TGM4: variants seen among roughly 807,000 people sequenced by gnomAD.
The protein encoded by TGM4 is protein-glutamine gamma-glutamyltransferase 4.
TGM4 carries 61 observed loss-of-function variants against 76.3 expected under a neutral mutation model. The observed-to-expected ratio is 0.80, with a 90% CI of 0.65 to 0.99. The LOEUF (loss-of-function observed/expected upper bound fraction) is 0.99. TGM4 is among the 50% of genes least tolerant of loss of function. The probability of loss-of-function intolerance (pLI) is 0.00; values close to 1 mark genes in which losing one functional copy is unlikely to be tolerated. For synonymous variants in TGM4, 337 were observed against 329.8 expected, an observed-to-expected ratio of 1.02 and a Z score of -0.24; for missense variants, 794 against 843.2, an observed-to-expected ratio of 0.94 and a Z score of 0.72.
At chr3:44,895,736 A>G (rs888827067) in intron 5 of TGM4, among the ~76,000 whole-genome samples, 2 of 152,352 alleles carry the variant, frequency 1.3e-5, no homozygotes, top group African/African-American at 4.8e-5. Context: ...TATTCCTTTT[A>G]TTTTGGTAGT....
At chr3:44,911,445 G>A (rs1266908491) in intron 13 of TGM4, 39 bp downstream of exon 13, 1 of 1,610,112 alleles carries the variant, frequency 6.2e-7, no homozygotes, top group Non-Finnish European at 8.5e-7. Flanking sequence ...TATGCTTCTG[G>A]ACATATATCT....
chr3:44,904,464 G>A (rs1699897177), intron 9 of TGM4, among the ~76,000 whole-genome samples: 1 of 152,182 alleles, frequency 6.6e-6, no homozygotes, highest in African/African-American at 2.4e-5. Flanking sequence ...CAACTTCTGG[G>A]TAAGACAGTG....
chr3:44,879,175 T>G (rs1468626548), intron 1 of TGM4, among the ~76,000 whole-genome samples: 1 of 150,880 alleles, frequency 6.6e-6, no homozygotes, highest in Non-Finnish European at 1.5e-5. Flanking sequence ...GGCTTATTCC[T>G]TTCTCATCAT....
intron 6 of TGM4, 127 bp downstream of exon 6, chr3:44,896,943 C>A: frequency 1.5e-5 from 9 of 583,106 alleles, no homozygotes; most frequent in Admixed American, 5.7e-5. Context: ...ATCAATTGTT[C>A]AAAACTATTA....
chr3:44,881,204 A>T (rs1468403514), intron 1 of TGM4, among the ~76,000 whole-genome samples: 2 of 144,804 alleles, frequency 1.4e-5, no homozygotes, highest in African/African-American at 5.0e-5. Flanking sequence ...GCCCTGTATT[A>T]AAAAAAAAAA....
intron 8 of TGM4, chr3:44,903,664 G>GC: frequency 1.8e-6 from 1 of 563,208 alleles, no homozygotes. Flanking sequence ...CCCCAGCCCT[G>GC]CCCCCTGCAC....
At chr3:44,886,513 A>G (rs1169653656) in intron 2 of TGM4, among the ~76,000 whole-genome samples, 1 of 152,142 alleles carries the variant, frequency 6.6e-6, no homozygotes, top group Non-Finnish European at 1.5e-5. Context: ...AAGATGAAAT[A>G]AGCACCTACT....
intron 10 of TGM4, 119 bp from the exon 11 acceptor site, chr3:44,909,971 C>T: frequency 2.7e-6 from 3 of 1,103,356 alleles, no homozygotes; most frequent in Non-Finnish European, 3.9e-6. Context: ...AGCTCATGGG[C>T]TCCAGGGATG....
At chr3:44,896,531 G>A (rs534521896) in intron 5 of TGM4, among the ~76,000 whole-genome samples, 178 bp from the exon 6 acceptor site, 1 of 152,288 alleles carries the variant, frequency 6.6e-6, no homozygotes, top group Non-Finnish European at 1.5e-5. Flanking sequence ...CTGTCCTGTG[G>A]CAGGACATTT....
chr3:44,899,897 G>A (rs1192062056), intron 6 of TGM4, among the ~76,000 whole-genome samples: 2 of 152,222 alleles, frequency 1.3e-5, no homozygotes, highest in Non-Finnish European at 2.9e-5. Flanking sequence ...AAATAAGAGA[G>A]GGGGTGCCCA....
intron 1 of TGM4, among the ~76,000 whole-genome samples, chr3:44,876,755 A>G (rs1379659233): frequency 6.6e-6 from 1 of 152,212 alleles, no homozygotes; most frequent in African/African-American, 2.4e-5. Context: ...CTCCAGAAAA[A>G]TTAAAAATAT....
Position 44,914,736 on chromosome 3 carries a change from T to C in TGM4, c.*1011T>C, listed in dbSNP as rs1700061286. The C allele has an allele frequency of 6.6e-6, 1 of 152,152 alleles. No individual in the cohort carries two copies. The highest frequency in any genetic ancestry group is 2.1e-4 in the South Asian group (1 of 4,830). The allele number at this position is 152,152 out of a possible 1,614,324, so 9.4% of individuals were successfully genotyped here. A position where few individuals can be genotyped will look rare whatever the true frequency, so the allele number is the denominator to read the frequency against. Reference sequence around the variant, plus strand: ...AGGTGCTCTGAGGAGTTGGCTTCTTTATTGTCTGTTCAGTACATCCAACCC... The same window carrying C: ...AGGTGCTCTGAGGAGTTGGCTTCTTCATTGTCTGTTCAGTACATCCAACCC... On this transcript the variant is annotated 3_prime_UTR_variant, in exon 14 of 14. Coordinates refer to ENST00000296125, the MANE Select transcript of TGM4 (RefSeq NM_003241.4).
chr3:44,878,453 TTA>T (rs1491031296), intron 1 of TGM4, among the ~76,000 whole-genome samples: 362 of 12,372 alleles, frequency 0.029, 5 homozygotes, highest in African/African-American at 0.075. Context: ...TTTTGTTTTA[TTA>T]TTATTATTAT....
intron 4 of TGM4, 44 bp downstream of exon 4, chr3:44,890,776 G>A (rs374733866): frequency 9.9e-6 from 16 of 1,608,212 alleles, no homozygotes; most frequent in East Asian, 6.7e-5. Context: ...AGGTGACCCC[G>A]GCAAAACCTG....
intron 11 of TGM4, 101 bp downstream of exon 11, chr3:44,910,469 T>A: frequency 7.1e-7 from 1 of 1,408,122 alleles, no homozygotes; most frequent in East Asian, 2.4e-5. Flanking sequence ...ATTGATAAAT[T>A]TTTGTGTGTG....
rs759149143 is a variant in TGM4 at position 44,885,462 on chromosome 3, C to G, written c.157C>G (p.Gln53Glu). 2.5e-6 allele frequency: 4 copies of G among 1,612,686 alleles called. No homozygotes were observed. Among genetic ancestry groups the G allele is most frequent in the Admixed American group, 1.7e-5 (1 of 60,000 alleles). Residue 53 changes from glutamine (Q) to glutamate (E), a missense_variant, in exon 2 of 14, where the codon CAA becomes GAA. Transcript: ENST00000296125. ...HLRLVLNQPL[Q>E]SYHQLKLEFS... ...GCGGCTGGTGCTGAACCAGCCCCTA[C>G]AATCCTACCACCAACTGAAACTGGA...
At chr3:44,910,450 C>A in intron 11 of TGM4, 82 bp downstream of exon 11, 2 of 1,488,522 alleles carry the variant, frequency 1.3e-6, no homozygotes, top group Non-Finnish European at 1.8e-6. Context: ...CTGTGGACAA[C>A]TTCCATACAT....
intron 6 of TGM4, 77 bp downstream of exon 6, chr3:44,896,893 A>C: frequency 8.0e-7 from 1 of 1,244,632 alleles, no homozygotes; most frequent in Non-Finnish European, 1.2e-6. Context: ...TCCTCATCTA[A>C]ACTGTAAGCT....
At chr3:44,905,308 A>T (rs1575725776) in intron 9 of TGM4, among the ~76,000 whole-genome samples, 1 of 151,984 alleles carries the variant, frequency 6.6e-6, no homozygotes, top group East Asian at 1.9e-4. Context: ...TTTTTTGAAA[A>T]AAGCAGTCCA....
Sources: gnomAD v4.1 joint callset for allele counts (sites outside exome capture counted in the v4.1 genomes callset) on GRCh38, gnomAD v4.1.1 for gene constraint, MANE v1.5 for transcripts, NCBI Gene and HGNC (gene_info 2026-07-23, HGNC 2026-07-21) for gene names.